SLC4A10: variants seen among roughly 807,000 people sequenced by gnomAD.
SLC4A10 encodes the protein solute carrier family 4 member 10, also known as sodium-driven chloride bicarbonate exchanger.
In SLC4A10, 42 loss-of-function variants were observed where a neutral mutation model predicts 137.7. The observed-to-expected ratio is 0.30, with a 90% confidence interval of 0.24 to 0.39. The LOEUF (loss-of-function observed/expected upper bound fraction) is 0.39. Among genes scored for constraint, SLC4A10 ranks in the 10% least tolerant of loss-of-function variants. The probability of loss-of-function intolerance (pLI) is 1.00; values close to 1 mark genes in which losing one functional copy is unlikely to be tolerated. For synonymous variants in SLC4A10, 474 were observed against 464.1 expected, an observed-to-expected ratio of 1.02 and a Z score of -0.27; for missense variants, 925 against 1,355.0, an observed-to-expected ratio of 0.68 and a Z score of 4.98.
intron 1 of SLC4A10, among the ~76,000 whole-genome samples, chr2:161,625,987 C>T (rs1031862270): frequency 2.0e-5 from 3 of 152,070 alleles, no homozygotes; most frequent in African/African-American, 7.2e-5. Flanking sequence ...TAAAAAAATA[C>T]GTGTAAAAGA....
chr2:161,810,139 G>A (rs2056395814), intron 3 of SLC4A10, among the ~76,000 whole-genome samples: 1 of 151,886 alleles, frequency 6.6e-6, no homozygotes, highest in Admixed American at 6.6e-5. Context: ...TATTGTAAAT[G>A]GGATTGAGTT....
rs1344317060 is a variant in SLC4A10, at chr2:161,949,216, C to T, written c.2334C>T (p.Ala778=). 6.2e-7 allele frequency: 1 copy of T among 1,611,228 alleles called. No homozygotes were observed. Among genetic ancestry groups the T allele is most frequent in the East Asian group, 2.2e-5 (1 of 44,686 alleles). Residue 778 remains alanine, a synonymous_variant, in exon 18 of 27, where the codon GCC becomes GCT. Transcript: ENST00000446997. ...TGTGTATGGTTTTAATTGACTATGC[C>T]ATTGGGATCCCATCTCCAAAACTAC... ...TILCMVLIDY[A]IGIPSPKLQV...
At chr2:161,915,172 A>G in intron 15 of SLC4A10, among the ~76,000 whole-genome samples, 1 of 152,062 alleles carries the variant, frequency 6.6e-6, no homozygotes, top group East Asian at 1.9e-4. Context: ...GTGGCTGGAC[A>G]TTGGAAAGAG....
intron 1 of SLC4A10, among the ~76,000 whole-genome samples, chr2:161,703,076 C>T (rs1213931061): frequency 1.3e-5 from 2 of 151,582 alleles, no homozygotes; most frequent in Non-Finnish European, 3.0e-5. Flanking sequence ...CTATTGGAGA[C>T]TGTAAATAGA....
intron 3 of SLC4A10, among the ~76,000 whole-genome samples, chr2:161,831,361 T>G (rs2058424686): frequency 6.6e-6 from 1 of 152,180 alleles, no homozygotes; most frequent in Non-Finnish European, 1.5e-5. Context: ...TGTTACTGAT[T>G]TACTCATTCT....
At chr2:161,729,876 C>A (rs1049674034) in intron 1 of SLC4A10, among the ~76,000 whole-genome samples, 1 of 152,158 alleles carries the variant, frequency 6.6e-6, no homozygotes, top group Non-Finnish European at 1.5e-5. Flanking sequence ...GGTGAGGCCA[C>A]GTCAGTTTGG....
intron 4 of SLC4A10, among the ~76,000 whole-genome samples, chr2:161,849,228 ATATACCATTTGC>A (rs1328546865): frequency 6.6e-6 from 1 of 151,926 alleles, no homozygotes; most frequent in African/African-American, 2.4e-5. Context: ...GTATATAAAC[ATATACCATTTGC>A]ATATTGATTT....
chr2:161,693,289 A>G (rs1224948726), intron 1 of SLC4A10, among the ~76,000 whole-genome samples: 1 of 152,104 alleles, frequency 6.6e-6, no homozygotes, highest in African/African-American at 2.4e-5. Context: ...ACTACTGTTT[A>G]TTTTAAATAA....
chr2:161,932,048 C>G (rs879806914), intron 15 of SLC4A10, among the ~76,000 whole-genome samples: 4 of 152,120 alleles, frequency 2.6e-5, no homozygotes, highest in Non-Finnish European at 4.4e-5. Context: ...AATAAATATA[C>G]TAGGTTTTCA....
At chr2:161,931,304 A>C (rs1690343281) in intron 15 of SLC4A10, 1 of 152,312 alleles carries the variant, frequency 6.6e-6, no homozygotes, top group Non-Finnish European at 1.5e-5. Context: ...TCTTTTGGGG[A>C]CTTTCTACCA....
At chr2:161,921,696 ACAAT>A (rs1177737209) in intron 15 of SLC4A10, among the ~76,000 whole-genome samples, 6 of 152,026 alleles carry the variant, frequency 3.9e-5, no homozygotes, top group African/African-American at 1.4e-4. Context: ...TGCTTTACAA[ACAAT>A]CAATCTGAGG....
intron 3 of SLC4A10, among the ~76,000 whole-genome samples, chr2:161,812,445 G>A (rs576422260): frequency 6.6e-6 from 1 of 151,776 alleles, no homozygotes; most frequent in African/African-American, 2.4e-5. Context: ...GCTGAGGTTT[G>A]GGGTACAGAT....
chr2:161,868,046 T>A (rs1036017995), intron 6 of SLC4A10, among the ~76,000 whole-genome samples: 1 of 151,938 alleles, frequency 6.6e-6, no homozygotes, highest in Non-Finnish European at 1.5e-5. Flanking sequence ...GATTAAGCAG[T>A]AGAAAATAAT....
Position 161,804,427 on chromosome 2 carries a change from G to C in SLC4A10, c.131-22G>C, listed in dbSNP as rs762145493. On this transcript the variant is annotated intron_variant, in intron 2 of 26. Coordinates refer to ENST00000446997, the MANE Select transcript of SLC4A10 (RefSeq NM_001178015.2). ...CCTGGAATAATTCAGAGTTTAATTTGTGGGTTTGCTTCCTTATGAAGGTCA... is the reference window on the plus strand; with the variant it reads ...CCTGGAATAATTCAGAGTTTAATTTCTGGGTTTGCTTCCTTATGAAGGTCA... The C allele has an allele frequency of 1.9e-6, 3 of 1,601,986 alleles. No homozygotes were observed. In the South Asian group the frequency reaches 3.4e-5, roughly 18 times the overall value.
chr2:161,630,803 C>A (rs1034237828), intron 1 of SLC4A10, among the ~76,000 whole-genome samples: 2 of 151,708 alleles, frequency 1.3e-5, no homozygotes, highest in African/African-American at 4.8e-5. Flanking sequence ...CTAATGTTTT[C>A]CAGCCTTGCA....
intron 13 of SLC4A10, among the ~76,000 whole-genome samples, chr2:161,904,514 C>G (rs1236670485): frequency 6.6e-6 from 1 of 152,152 alleles, no homozygotes; most frequent in East Asian, 1.9e-4. Flanking sequence ...AGACACTAAT[C>G]CTGAATACAT....
At chr2:161,819,683 A>G (rs2057446512) in intron 3 of SLC4A10, among the ~76,000 whole-genome samples, 1 of 151,962 alleles carries the variant, frequency 6.6e-6, no homozygotes, top group African/African-American at 2.4e-5. Context: ...TTTAGTAGAG[A>G]CGGGGTTTCA....
At chr2:161,728,817 G>A (rs533205530) in intron 1 of SLC4A10, among the ~76,000 whole-genome samples, 13 of 152,180 alleles carry the variant, frequency 8.5e-5, no homozygotes, top group Admixed American at 2.6e-4. Flanking sequence ...CAAAACATTA[G>A]CAAATTAAGT....
intron 1 of SLC4A10, among the ~76,000 whole-genome samples, chr2:161,765,738 T>C (rs919292501): frequency 1.8e-4 from 28 of 152,062 alleles, no homozygotes; most frequent in South Asian, 4.1e-4. Flanking sequence ...CAAATACATG[T>C]GGAAATTAGG....
Sources: allele counts gnomAD v4.1 joint callset (sites outside exome capture counted in the v4.1 genomes callset), GRCh38; gene constraint gnomAD v4.1.1; transcripts MANE v1.5; gene names NCBI Gene and HGNC (gene_info 2026-07-23, HGNC 2026-07-21).